The following PHLDB2 variants were observed in gnomAD, a reference collection of about 807,000 sequenced individuals.
PHLDB2 encodes pleckstrin homology-like domain family B member 2.
A neutral mutation model predicts 123.6 loss-of-function variants in PHLDB2; 71 were observed. The ratio of observed to expected loss-of-function variants is 0.57; its 90% CI spans 0.47 to 0.70. The LOEUF (loss-of-function observed/expected upper bound fraction) is 0.70, where lower values mean the gene tolerates loss of function less well. PHLDB2 is among the 30% of genes least tolerant of loss of function. PHLDB2 has a pLI of 0.00. For missense variants in PHLDB2, 1,446 were observed against 1,519.5 expected (o/e 0.95, Z 0.80); for synonymous variants, 547 against 541.6 (o/e 1.01, Z -0.14).
At chr3:111,958,997 G>T in intron 12 of PHLDB2, among the ~76,000 whole-genome samples, 1 of 152,236 alleles carries the variant, frequency 6.6e-6, no homozygotes, top group East Asian at 1.9e-4. Context: ...CAGGACATCT[G>T]CATCCCCTTT....
chr3:111,830,792 G>A (rs2062925102), intron 1 of PHLDB2, among the ~76,000 whole-genome samples: 1 of 94,816 alleles, frequency 1.1e-5, no homozygotes, highest in African/African-American at 4.1e-5. Context: ...CTGGGCGACA[G>A]AGCGAGACTC....
chr3:111,740,804 A>T (rs1429848105), intron 1 of PHLDB2, among the ~76,000 whole-genome samples: 1 of 152,102 alleles, frequency 6.6e-6, no homozygotes, highest in Non-Finnish European at 1.5e-5. Flanking sequence ...TAACAAAGTC[A>T]GAGAATCAGA....
At chr3:111,819,613 A>G (rs1249736737) in intron 1 of PHLDB2, among the ~76,000 whole-genome samples, 2 of 152,194 alleles carry the variant, frequency 1.3e-5, no homozygotes, top group African/African-American at 4.8e-5. Flanking sequence ...AAGCTGGATA[A>G]AATGCCCAAA....
At chr3:111,918,077 A>G (rs1009377967) in intron 3 of PHLDB2, among the ~76,000 whole-genome samples, 2 of 152,230 alleles carry the variant, frequency 1.3e-5, no homozygotes, top group Non-Finnish European at 2.9e-5. Context: ...GTATATATAG[A>G]AAAATTGGTC....
chr3:111,960,028 T>G (rs1179853825), intron 12 of PHLDB2: 2 of 253,342 alleles, frequency 7.9e-6, no homozygotes, highest in Non-Finnish European at 1.2e-5. Context: ...GTGAAACTTT[T>G]CTATGCCACA....
intron 1 of PHLDB2, among the ~76,000 whole-genome samples, chr3:111,738,571 T>C (rs1246224623): frequency 6.6e-6 from 1 of 152,170 alleles, no homozygotes; most frequent in Non-Finnish European, 1.5e-5. Flanking sequence ...GTTTTAAATT[T>C]ATCCAGTAGG....
chr3:111,750,460 G>T (rs1275262042), intron 1 of PHLDB2, among the ~76,000 whole-genome samples: 1 of 152,178 alleles, frequency 6.6e-6, no homozygotes, highest in Non-Finnish European at 1.5e-5. Flanking sequence ...ACACATGGCT[G>T]CAATGCAAGT....
chr3:111,942,999 A>G (rs1462557543), intron 8 of PHLDB2, among the ~76,000 whole-genome samples: 5 of 152,098 alleles, frequency 3.3e-5, no homozygotes, highest in Non-Finnish European at 5.9e-5. Flanking sequence ...TTCAGTATTC[A>G]CTAATTTCAG....
At chr3:111,893,628 A>C (rs998076947) in intron 2 of PHLDB2, among the ~76,000 whole-genome samples, 2 of 151,132 alleles carry the variant, frequency 1.3e-5, no homozygotes, top group African/African-American at 4.8e-5. Flanking sequence ...TAATGTTTAA[A>C]ATAGCCAGTC....
chr3:111,757,005 T>C (rs2059903020), intron 1 of PHLDB2, among the ~76,000 whole-genome samples: 1 of 152,262 alleles, frequency 6.6e-6, no homozygotes, highest in South Asian at 2.1e-4. Context: ...GTAGAGTTTC[T>C]GGCTAGAGAT....
intron 1 of PHLDB2, among the ~76,000 whole-genome samples, chr3:111,818,506 C>A (rs760066860): frequency 6.6e-6 from 1 of 152,010 alleles, no homozygotes; most frequent in Non-Finnish European, 1.5e-5. Flanking sequence ...ACTTTTTTCC[C>A]AGTAGGCTAG....
intron 4 of PHLDB2, among the ~76,000 whole-genome samples, 178 bp downstream of exon 4, chr3:111,919,393 C>CT (rs3830404): frequency 0.42 from 63,595 of 151,140 alleles, 13,986 homozygotes; most frequent in East Asian, 0.72. Flanking sequence ...TTTTTTCTTT[C>CT]TTTTTTTTTC....
chr3:111,971,887 T>C (rs2072213713), intron 16 of PHLDB2, among the ~76,000 whole-genome samples: 1 of 152,210 alleles, frequency 6.6e-6, no homozygotes, highest in African/African-American at 2.4e-5. Context: ...CTGGGATCTT[T>C]AGGAGAGTCT....
intron 2 of PHLDB2, among the ~76,000 whole-genome samples, chr3:111,850,683 G>C (rs188515562): frequency 6.6e-6 from 1 of 152,092 alleles, no homozygotes; most frequent in African/African-American, 2.4e-5. Flanking sequence ...AGGATGGCTT[G>C]AGTCCAGGTT....
At chr3:111,786,513 A>G (rs2060686177) in intron 1 of PHLDB2, among the ~76,000 whole-genome samples, 1 of 152,216 alleles carries the variant, frequency 6.6e-6, no homozygotes, top group Admixed American at 6.5e-5. Flanking sequence ...CTAAGATTTT[A>G]TGATTCTGGA....
At chr3:111,875,041 T>A (rs1034533425) in intron 1 of PHLDB2, among the ~76,000 whole-genome samples, 2 of 152,208 alleles carry the variant, frequency 1.3e-5, no homozygotes, top group African/African-American at 4.8e-5. Flanking sequence ...TTCAGATGCA[T>A]AAAGAGTGAA....
intron 1 of PHLDB2, among the ~76,000 whole-genome samples, chr3:111,841,414 C>T (rs940836253): frequency 6.6e-6 from 1 of 152,102 alleles, no homozygotes; most frequent in Non-Finnish European, 1.5e-5. Context: ...ATACCAGGAA[C>T]TAATTTAGGT....
At chr3:111,760,828 G>C (rs1258922084) in intron 1 of PHLDB2, among the ~76,000 whole-genome samples, 1 of 152,106 alleles carries the variant, frequency 6.6e-6, no homozygotes, top group African/African-American at 2.4e-5. Context: ...ATAAATTGTA[G>C]GTGAGAAGTT....
At chr3:111,889,177 TTCA>T (rs1368838336) in intron 2 of PHLDB2, among the ~76,000 whole-genome samples, 2 of 152,222 alleles carry the variant, frequency 1.3e-5, no homozygotes, top group African/African-American at 4.8e-5. Context: ...AACTAATCTC[TTCA>T]TCATAAAACA....
Sources: gnomAD v4.1 joint callset for allele counts (sites outside exome capture counted in the v4.1 genomes callset) on GRCh38, gnomAD v4.1.1 for gene constraint, MANE v1.5 for transcripts, NCBI Gene and HGNC (gene_info 2026-07-23, HGNC 2026-07-21) for gene names.